FARSB: variants seen among roughly 807,000 people sequenced by gnomAD.
FARSB encodes the protein phenylalanine--tRNA ligase beta subunit.
In FARSB, 40 loss-of-function variants were observed where a neutral mutation model predicts 69.6. That is an observed-to-expected ratio of 0.57 (90% CI 0.45 to 0.75). FARSB has a LOEUF of 0.75. FARSB is among the 30% of genes least tolerant of loss of function. The probability of loss-of-function intolerance (pLI) is 0.00; values close to 1 mark genes in which losing one functional copy is unlikely to be tolerated. For synonymous variants in FARSB, 235 were observed against 247.2 expected (o/e 0.95, Z 0.46); for missense variants, 632 against 722.9 (o/e 0.87, Z 1.44).
chr2:222,610,651 T>A (rs369289605), intron 15 of FARSB, among the ~76,000 whole-genome samples: 1 of 152,168 alleles, frequency 6.6e-6, no homozygotes, highest in East Asian at 1.9e-4. Flanking sequence ...TAGTAAAAAA[T>A]TCCCATAAAC....
chr2:222,640,264 A>G (rs1243760804), intron 4 of FARSB, among the ~76,000 whole-genome samples: 1 of 152,176 alleles, frequency 6.6e-6, no homozygotes, highest in African/African-American at 2.4e-5. Flanking sequence ...GCTGTAGGGG[A>G]AGGATCCTTT....
rs888401646 is a variant in FARSB, at chr2:222,571,633, A to G, written c.*238T>C. The stretch of plus-strand genomic sequence containing the variant: ...CACTCTGCTAGTGCATTTCTCCAGC[A>G]CTCCACGGGGCTTTTACCCAACAAT... On this transcript the variant is annotated 3_prime_UTR_variant, in exon 17 of 17. Transcript: ENST00000281828. 1 of 403,790 alleles carries G rather than the reference A, an allele frequency of 2.5e-6. No individual in the cohort carries two copies. The highest frequency in any genetic ancestry group is 4.2e-5 in the Admixed American group (1 of 23,590). 25.0% of individuals were successfully genotyped at this position (403,790 alleles called of 1,614,324 possible).
At chr2:222,629,773 T>C (rs1278616888) in intron 9 of FARSB, among the ~76,000 whole-genome samples, 3 of 152,192 alleles carry the variant, frequency 2.0e-5, no homozygotes, top group Non-Finnish European at 4.4e-5. Flanking sequence ...CAGTGTCTCA[T>C]TCTGTGACCC....
At chr2:222,581,748 G>T (rs1689974204) in intron 16 of FARSB, among the ~76,000 whole-genome samples, 1 of 152,304 alleles carries the variant, frequency 6.6e-6, no homozygotes, top group African/African-American at 2.4e-5. Flanking sequence ...AACTAGAGAA[G>T]ATTGACAAAC....
intron 16 of FARSB, among the ~76,000 whole-genome samples, chr2:222,575,460 A>G (rs1487341003): frequency 2.0e-5 from 3 of 152,240 alleles, no homozygotes; most frequent in African/African-American, 7.2e-5. Context: ...TTCAAATTCT[A>G]TAAAGTACAT....
rs1691505342 is a variant in FARSB at position 222,633,759 on chromosome 2, A to AT, written c.607-453dup. Among the ~76,000 whole-genome samples the AT allele has an allele frequency of 5.3e-5, 8 of 152,110 alleles. No homozygotes were observed. The South Asian group carries it at 1.7e-3, about 32-fold the overall frequency. ...AGACCCAAATTAAAGAAAGCTCTAA[A>AT]TTTATAAGATTTTCTAATATAAATT... is the stretch of plus-strand genomic sequence containing the variant. On this transcript the variant is annotated intron_variant, in intron 6 of 16. Coordinates refer to ENST00000281828, the MANE Select transcript of FARSB (RefSeq NM_005687.5).
chr2:222,637,016 A>C (rs2106233173), intron 5 of FARSB, among the ~76,000 whole-genome samples: 1 of 152,372 alleles, frequency 6.6e-6, no homozygotes, highest in East Asian at 1.9e-4. Flanking sequence ...ACACATAATA[A>C]ATAGACGAGG....
chr2:222,621,469 C>T lies in FARSB; in HGVS notation c.1252-1732G>A, dbSNP rs1440321810. 2.6e-5 allele frequency among the ~76,000 whole-genome samples: 4 copies of T among 152,112 alleles called. No individual in the cohort carries two copies. In the South Asian group the frequency reaches 6.2e-4, roughly 24 times the overall value. ...AACTTGTAGCCTCAAGTGATCCGCC[C>T]GCCTCGGCCTCCCAAAGTGCTGGGA... On this transcript the variant is annotated intron_variant, in intron 13 of 16. Transcript: ENST00000281828.
chr2:222,615,376 T>C (rs1309655200), intron 14 of FARSB, among the ~76,000 whole-genome samples: 3 of 152,230 alleles, frequency 2.0e-5, no homozygotes, highest in East Asian at 1.9e-4. Flanking sequence ...AATCAGACCA[T>C]GCAACTCCCC....
intron 15 of FARSB, among the ~76,000 whole-genome samples, chr2:222,603,647 T>C (rs960550718): frequency 2.5e-4 from 37 of 146,914 alleles, no homozygotes; most frequent in African/African-American, 8.6e-4. Context: ...GCTAATACGA[T>C]TAATTATATT....
At chr2:222,622,074 C>A (rs914635640) in intron 13 of FARSB, among the ~76,000 whole-genome samples, 1 of 152,048 alleles carries the variant, frequency 6.6e-6, no homozygotes, top group East Asian at 1.9e-4. Flanking sequence ...ACAGCCATGG[C>A]GTAGGACAAG....
chr2:222,655,127 C>T (rs1692138138), intron 1 of FARSB, among the ~76,000 whole-genome samples: 1 of 152,000 alleles, frequency 6.6e-6, no homozygotes, highest in East Asian at 1.9e-4. Context: ...AACAGGGAGA[C>T]GGAGGTTGCT....
chr2:222,609,008 C>G (rs900152375), intron 15 of FARSB, among the ~76,000 whole-genome samples: 2 of 152,208 alleles, frequency 1.3e-5, no homozygotes, highest in Non-Finnish European at 2.9e-5. Context: ...AGGATTGTAT[C>G]TTACTAAATC....
At chr2:222,649,122 A>G (rs374921303) in intron 1 of FARSB, among the ~76,000 whole-genome samples, 2 of 150,776 alleles carry the variant, frequency 1.3e-5, no homozygotes, top group East Asian at 4.0e-4. Flanking sequence ...GCTACTTGGG[A>G]GGCTGAGGCA....
chr2:222,633,411 G>T, intron 6 of FARSB, 104 bp from the exon 7 acceptor site: 1 of 569,672 alleles, frequency 1.8e-6, no homozygotes, highest in Non-Finnish European at 3.0e-6. Context: ...CGCCAGGTGT[G>T]GTGGCTCATG....
rs1283607854 is a variant in FARSB, at chr2:222,648,775, G to A, written c.79C>T (p.Leu27=). 2 of 1,602,676 alleles carry A rather than the reference G, an allele frequency of 1.2e-6. No individual in the cohort carries two copies. Among genetic ancestry groups the A allele is most frequent in the Admixed American group, 3.3e-5 (2 of 60,000 alleles). The change falls in exon 2 of 17, where the codon CTA becomes TTA. Residue 27 remains leucine, a synonymous_variant. Transcript: ENST00000281828. ...AGCTCCAGACCAAATTCAAAACATA[G>A]TTCATCAAATTCTTCGTCAGCTAGG... ...RTYTDEEFDE[L]CFEFGLELDE... is the part of the protein sequence containing the mutation.
At chr2:222,654,716 A>G (rs935288805) in intron 1 of FARSB, among the ~76,000 whole-genome samples, 4 of 152,246 alleles carry the variant, frequency 2.6e-5, no homozygotes, top group African/African-American at 7.2e-5. Flanking sequence ...GAGAATAGGT[A>G]CTATCTAAAA....
At chr2:222,643,258 C>T (rs1189474035) in intron 2 of FARSB, among the ~76,000 whole-genome samples, 1 of 152,140 alleles carries the variant, frequency 6.6e-6, no homozygotes, top group East Asian at 1.9e-4. Context: ...AGCACAAATC[C>T]ATCTAAACAA....
chr2:222,654,753 A>G (rs1692127558), intron 1 of FARSB, among the ~76,000 whole-genome samples: 1 of 152,244 alleles, frequency 6.6e-6, no homozygotes, highest in South Asian at 2.1e-4. Context: ...GATTCTTAAA[A>G]GCCAGCTTTA....
Sources: gnomAD v4.1 joint callset for allele counts (sites outside exome capture counted in the v4.1 genomes callset) on GRCh38, gnomAD v4.1.1 for gene constraint, MANE v1.5 for transcripts, NCBI Gene and HGNC (gene_info 2026-07-23, HGNC 2026-07-21) for gene names.